Variants in PIKFYVE observed in about 807,000 individuals in gnomAD.
PIKFYVE encodes phosphoinositide kinase, FYVE-type zinc finger containing.
In PIKFYVE, 122 loss-of-function variants were observed where a neutral mutation model predicts 257.9. The observed-to-expected ratio is 0.47, with a 90% confidence interval of 0.41 to 0.55. The LOEUF (loss-of-function observed/expected upper bound fraction) is 0.55, where lower values mean the gene tolerates loss of function less well. PIKFYVE is among the 20% of genes least tolerant of loss of function. PIKFYVE has a pLI of 0.00. For missense variants in PIKFYVE, 2,160 were observed against 2,536.6 expected (o/e 0.85, Z 3.19); for synonymous variants, 892 against 868.9 (o/e 1.03, Z -0.47).
At chr2:208,334,522 G>C (rs1028924115) in intron 24 of PIKFYVE, 2 of 152,678 alleles carry the variant, frequency 1.3e-5, no homozygotes, top group African/African-American at 4.8e-5. Context: ...CTGCCTGGGA[G>C]CCTTGTACTT....
intron 6 of PIKFYVE, among the ~76,000 whole-genome samples, chr2:208,288,260 G>A (rs1187617517): frequency 2.0e-5 from 3 of 152,118 alleles, no homozygotes; most frequent in Non-Finnish European, 2.9e-5. Context: ...GACAGATGTG[G>A]ATGCTGAGGT....
At chr2:208,335,951 A>G (rs1443410207) in intron 26 of PIKFYVE, 50 bp downstream of exon 26, 1 of 1,577,398 alleles carries the variant, frequency 6.3e-7, no homozygotes, top group Admixed American at 1.7e-5. Flanking sequence ...TTGATTAAAA[A>G]TTATTGATTA....
At chr2:208,275,614 G>A (rs766115678) in intron 3 of PIKFYVE, among the ~76,000 whole-genome samples, 2 of 152,202 alleles carry the variant, frequency 1.3e-5, no homozygotes, top group African/African-American at 2.4e-5. Flanking sequence ...TACAATTTTG[G>A]TAGTTACTTC....
chr2:208,357,178 G>A lies in PIKFYVE; in HGVS notation c.*1873G>A, dbSNP rs978584408. 3 of 152,172 alleles carry A rather than the reference G, an allele frequency of 2.0e-5. No individual in the cohort carries two copies. The highest frequency in any genetic ancestry group is 2.1e-4 in the South Asian group (1 of 4,830). The allele number at this position is 152,172 out of a possible 1,614,324, so 9.4% of individuals were successfully genotyped here. A position where few individuals can be genotyped will look rare whatever the true frequency, so the allele number is the denominator to read the frequency against. On this transcript the variant is annotated 3_prime_UTR_variant, in exon 42 of 42. Transcript: ENST00000264380. ...AGACTATTAAAGGAGCTGTACAGAG[G>A]TAAAAAAATAAATGTGGAACATTAT...
At chr2:208,320,649 A>C (rs1411448296) in intron 17 of PIKFYVE, among the ~76,000 whole-genome samples, 2 of 152,218 alleles carry the variant, frequency 1.3e-5, no homozygotes, top group African/African-American at 2.4e-5. Context: ...CCAGATTTCT[A>C]ATGGAATCTC....
intron 7 of PIKFYVE, 98 bp downstream of exon 7, chr2:208,288,916 T>C: frequency 7.1e-7 from 1 of 1,408,232 alleles, no homozygotes; most frequent in Non-Finnish European, 1.0e-6. Context: ...TTGATTGTCA[T>C]ATACTTCCGT....
At chr2:208,347,152 T>C (rs1248475085) in intron 34 of PIKFYVE, among the ~76,000 whole-genome samples, 1 of 152,190 alleles carries the variant, frequency 6.6e-6, no homozygotes, top group Non-Finnish European at 1.5e-5. Context: ...TAGGAGTGGA[T>C]ATTAAAGAGG....
At position 208,342,549 on chromosome 2, in the gene PIKFYVE, C is replaced by T; in HGVS notation, c.4932-5C>T. On this transcript the variant is annotated splice_polypyrimidine_tract_variant and splice_region_variant and intron_variant, in intron 31 of 41. Coordinates refer to ENST00000264380, the MANE Select transcript of PIKFYVE (RefSeq NM_015040.4). ...TTAACTTATGTATTTTAAAAATTTG[C>T]ATAGTGATCCAGATAAACACTACTT... 1 of 1,610,088 alleles carries T rather than the reference C, an allele frequency of 6.2e-7. No individual in the cohort carries two copies. Among genetic ancestry groups the T allele is most frequent in the Non-Finnish European group, 8.5e-7 (1 of 1,176,498 alleles).
At chr2:208,313,470 T>C (rs977533685) in intron 13 of PIKFYVE, among the ~76,000 whole-genome samples, 1 of 152,148 alleles carries the variant, frequency 6.6e-6, no homozygotes, top group Admixed American at 6.5e-5. Flanking sequence ...CTGTCATCTG[T>C]TGTTTTGTGA....
At chr2:208,350,219 T>C in intron 36 of PIKFYVE, 136 bp downstream of exon 36, 1 of 1,268,196 alleles carries the variant, frequency 7.9e-7, no homozygotes. Context: ...TATGCTGACA[T>C]GAGGTATATT....
At position 208,325,503 on chromosome 2, in the gene PIKFYVE, C is replaced by CATG; in HGVS notation, c.2694_2696dup (p.His898_Glu899insAsp). On this transcript the variant is annotated inframe_insertion, in exon 20 of 42. Transcript: ENST00000264380. ...CCATTCCCTGATTGAGGGACGAGGGCATGAGGGGGCTGTCCAAGAGCAGTA... is the reference window on the plus strand; with the variant it reads ...CCATTCCCTGATTGAGGGACGAGGGCATGATGAGGGGGCTGTCCAAGAGCAGTA... 3 of 1,614,184 alleles carry CATG rather than the reference C, an allele frequency of 1.9e-6. No homozygotes were observed. In the South Asian group the frequency reaches 3.3e-5, roughly 18 times the overall value.
In PIKFYVE at chr2:208,304,248, G is replaced by T; in HGVS notation, c.1398G>T (p.Trp466Cys). ...TGGAAGGACACTCTGAGCCATCCTG[G>T]TTTAAAGACATAAAGTTTGATGACA... ...NSVEGHSEPS[W>C]FKDIKFDDSD... The change falls in exon 11 of 42, where the codon TGG becomes TGT. Residue 466 changes from tryptophan (W) to cysteine (C), a missense_variant. By Grantham distance (215) the Trp-to-Cys change is radical. Around this residue, in one of 12 missense-constraint regions of PIKFYVE, gnomAD observed 15 missense variants for 39.1 expected, o/e 0.38. Coordinates refer to ENST00000264380, the MANE Select transcript of PIKFYVE (RefSeq NM_015040.4). 1 of 1,614,112 alleles carries T rather than the reference G, an allele frequency of 6.2e-7. No homozygotes were observed. Among genetic ancestry groups the T allele is most frequent in the Non-Finnish European group, 8.5e-7 (1 of 1,179,988 alleles).
rs1162630906 is a variant in PIKFYVE at position 208,345,208 on chromosome 2, G to T, written c.5111+14G>T. 5 of 1,574,134 alleles carry T rather than the reference G, an allele frequency of 3.2e-6. No individual in the cohort carries two copies. The South Asian group carries it at 4.4e-5, about 14-fold the overall frequency. ...TCCAACAAATAGGTGATTCATGATT[G>T]AGTAGAAACTATTTTAATTTAGTTA... is the stretch of plus-strand genomic sequence containing the variant. On this transcript the variant is annotated intron_variant, in intron 33 of 41. Transcript: ENST00000264380.
intron 12 of PIKFYVE, among the ~76,000 whole-genome samples, chr2:208,306,709 A>C (rs536123661): frequency 5.1e-4 from 78 of 152,164 alleles, no homozygotes; most frequent in Middle Eastern, 3.4e-3. Flanking sequence ...TCTCCAAGGA[A>C]ATTGACAGGA....
At chr2:208,311,737 A>G (rs892574333) in intron 12 of PIKFYVE, among the ~76,000 whole-genome samples, 47 of 152,328 alleles carry the variant, frequency 3.1e-4, no homozygotes, top group African/African-American at 7.0e-4. Flanking sequence ...ATTCCTGCCA[A>G]TGTCACTTCT....
rs1479034580 is a variant in PIKFYVE, at chr2:208,314,355, C to T, written c.1758C>T (p.Gly586=). 5.0e-6 allele frequency: 8 copies of T among 1,613,816 alleles called. No homozygotes were observed. Among genetic ancestry groups the T allele is most frequent in the Non-Finnish European group, 6.8e-6 (8 of 1,179,856 alleles). The change falls in exon 14 of 42, where the codon GGC becomes GGT. Residue 586 remains glycine (G), a synonymous_variant. Transcript: ENST00000264380. The part of the protein sequence containing the change: ...KSKELPFTPL[G]WHHNNLELLR... ...AAGAGCTGCCTTTCACACCTTTGGGCTGGCATCATAACAACCTGGAGCTCC... is the reference window on the plus strand; with the variant it reads ...AAGAGCTGCCTTTCACACCTTTGGGTTGGCATCATAACAACCTGGAGCTCC...
At position 208,339,571 on chromosome 2, in the gene PIKFYVE, C is replaced by T. The variant is rs1466568110; in HGVS notation, c.4810+16C>T. The T allele has an allele frequency of 6.2e-7, 1 of 1,613,784 alleles. No individual in the cohort carries two copies. Among genetic ancestry groups the T allele is most frequent in the Non-Finnish European group, 8.5e-7 (1 of 1,179,764 alleles). The stretch of plus-strand genomic sequence containing the variant: ...AGTTCCGAAGGTAGAGGTTAAGTCA[C>T]TTTTACCATATTTCATTGTATCTAA... On this transcript the variant is annotated intron_variant, in intron 30 of 41. Coordinates refer to ENST00000264380, the MANE Select transcript of PIKFYVE (RefSeq NM_015040.4).
At chr2:208,337,737 T>TGA (rs1396645311) in intron 28 of PIKFYVE, among the ~76,000 whole-genome samples, 4 of 152,114 alleles carry the variant, frequency 2.6e-5, no homozygotes, top group African/African-American at 9.7e-5. Context: ...TTTTTTTTTT[T>TGA]GAGAGATGGA....
At chr2:208,342,354 G>A (rs1330894213) in intron 31 of PIKFYVE, among the ~76,000 whole-genome samples, 200 bp from the exon 32 acceptor site, 3 of 152,078 alleles carry the variant, frequency 2.0e-5, no homozygotes. Context: ...AGGTTTGTTT[G>A]GAGTGACTAT....
Sources: gnomAD v4.1 joint callset for allele counts (sites outside exome capture counted in the v4.1 genomes callset) on GRCh38, gnomAD v4.1.1 for gene constraint, gnomAD v4.1.1 regional missense constraint, MANE v1.5 for transcripts, NCBI Gene and HGNC (gene_info 2026-07-23, HGNC 2026-07-21) for gene names.